Variants in LARGE1 observed in about 807,000 individuals in gnomAD.
LARGE1 encodes LARGE xylosyl- and glucuronyltransferase 1.
A neutral mutation model predicts 87.6 loss-of-function variants in LARGE1; 43 were observed. The observed-to-expected ratio is 0.49, with a 90% CI of 0.38 to 0.63. The LOEUF (loss-of-function observed/expected upper bound fraction) is 0.63, where lower values mean the gene tolerates loss of function less well. Among genes scored for constraint, LARGE1 ranks in the 30% least tolerant of loss-of-function variants. LARGE1 has a pLI of 0.00. For synonymous variants in LARGE1, 434 were observed against 394.6 expected (o/e 1.10, Z -1.18); for missense variants, 802 against 1,000.2 (o/e 0.80, Z 2.67).
chr22:33,176,458 GA>G (rs915156360), intron 11 of LARGE1, among the ~76,000 whole-genome samples: 8 of 151,542 alleles, frequency 5.3e-5, no homozygotes, highest in Non-Finnish European at 8.8e-5. Flanking sequence ...AAATTTACAA[GA>G]AAAAAAACCA....
intron 10 of LARGE1, among the ~76,000 whole-genome samples, chr22:33,330,089 G>C (rs1336183417): frequency 6.6e-6 from 1 of 152,100 alleles, no homozygotes; most frequent in East Asian, 1.9e-4. Context: ...GAATATTTCA[G>C]CCCAACATGA....
intron 4 of LARGE1, among the ~76,000 whole-genome samples, chr22:33,607,484 A>AAAAAAAT (rs55801689): frequency 4.7e-5 from 7 of 150,536 alleles, no homozygotes; most frequent in South Asian, 2.1e-4. Flanking sequence ...AAAAAAAAAA[A>AAAAAAAT]GTGTCTATCC....
At chr22:33,369,053 C>G (rs1272315344) in intron 9 of LARGE1, among the ~76,000 whole-genome samples, 2 of 152,096 alleles carry the variant, frequency 1.3e-5, no homozygotes, top group East Asian at 3.9e-4. Context: ...TGGATCGACT[C>G]TTCCTTTCAT....
chr22:33,714,386 C>G (rs1220392383), intron 2 of LARGE1, among the ~76,000 whole-genome samples: 1 of 152,154 alleles, frequency 6.6e-6, no homozygotes, highest in Admixed American at 6.5e-5. Context: ...GGAGACGTTC[C>G]TTACCCTCAC....
At position 33,396,552 on chromosome 22, in the gene LARGE1, T is replaced by G. The variant is rs569148324; in HGVS notation, c.893-12248A>C. Among the ~76,000 whole-genome samples, 10 of 150,044 alleles carry G rather than the reference T, an allele frequency of 6.7e-5. No individual in the cohort carries two copies. The South Asian group carries it at 1.5e-3, about 23-fold the overall frequency. ...AGTGGAAATCCTTCCATCTCAAACC[T>G]TCCCTAACTTGGCTGGGTTTTTCTC... On this transcript the variant is annotated intron_variant, in intron 7 of 14. Coordinates refer to ENST00000397394, the MANE Select transcript of LARGE1 (RefSeq NM_133642.5).
intron 6 of LARGE1, among the ~76,000 whole-genome samples, chr22:33,558,310 A>G (rs1237209237): frequency 6.6e-6 from 1 of 152,142 alleles, no homozygotes; most frequent in Non-Finnish European, 1.5e-5. Flanking sequence ...ACTGAGCTTC[A>G]TTTGGAGATA....
chr22:33,202,271 A>G (rs1924437534), intron 11 of LARGE1, among the ~76,000 whole-genome samples: 1 of 152,164 alleles, frequency 6.6e-6, no homozygotes, highest in Non-Finnish European at 1.5e-5. Flanking sequence ...ACAGGTGAAT[A>G]TGATCCACCG....
intron 6 of LARGE1, among the ~76,000 whole-genome samples, chr22:33,538,551 T>C (rs779982435): frequency 6.6e-6 from 1 of 152,220 alleles, no homozygotes; most frequent in Non-Finnish European, 1.5e-5. Context: ...AGCCACATTT[T>C]TTATTTTGTT....
chr22:33,670,755 G>C (rs2081383711), intron 2 of LARGE1, among the ~76,000 whole-genome samples: 1 of 152,174 alleles, frequency 6.6e-6, no homozygotes, highest in Non-Finnish European at 1.5e-5. Context: ...TCTAATTCCA[G>C]AGTTTGAAAA....
At chr22:33,314,072 T>C (rs560386550) in intron 11 of LARGE1, among the ~76,000 whole-genome samples, 7 of 152,282 alleles carry the variant, frequency 4.6e-5, no homozygotes, top group Non-Finnish European at 8.8e-5. Flanking sequence ...CGAGTGATCA[T>C]GTGGATGTGG....
intron 6 of LARGE1, among the ~76,000 whole-genome samples, chr22:33,502,611 C>A (rs907226705): frequency 2.6e-5 from 4 of 152,096 alleles, no homozygotes; most frequent in Admixed American, 6.5e-5. Context: ...CTCTGCCACC[C>A]AGGCTGGAGT....
intron 1 of LARGE1, among the ~76,000 whole-genome samples, chr22:33,800,715 A>T (rs1033989763): frequency 1.3e-5 from 2 of 152,164 alleles, no homozygotes; most frequent in East Asian, 1.9e-4. Flanking sequence ...CAGTTATTGC[A>T]CGCATCAAGT....
rs530268619 is a variant in LARGE1, at chr22:33,567,009, G to A, written c.616-1990C>T. ...TACACCCAGGCATCATGGAGGTGGG[G>A]AAAAAGGACAGAAGTTCAAATCTGG... On this transcript the variant is annotated intron_variant, in intron 5 of 14. Transcript: ENST00000397394. 2.0e-5 allele frequency among the ~76,000 whole-genome samples: 3 copies of A among 152,260 alleles called. No individual in the cohort carries two copies. The South Asian group carries it at 6.2e-4, about 32-fold the overall frequency.
At chr22:33,662,660 T>C (rs939982369) in intron 2 of LARGE1, among the ~76,000 whole-genome samples, 1 of 152,094 alleles carries the variant, frequency 6.6e-6, no homozygotes, top group Non-Finnish European at 1.5e-5. Flanking sequence ...ACTCTGTACT[T>C]GTTAAAGTTA....
At chr22:33,842,462 T>G (rs2063308420) in intron 1 of LARGE1, among the ~76,000 whole-genome samples, 1 of 152,210 alleles carries the variant, frequency 6.6e-6, no homozygotes, top group Admixed American at 6.5e-5. Context: ...ACAAAGTTAC[T>G]AATATTCATA....
At chr22:33,821,588 G>A (rs1007706774) in intron 1 of LARGE1, among the ~76,000 whole-genome samples, 1 of 152,178 alleles carries the variant, frequency 6.6e-6, no homozygotes, top group Non-Finnish European at 1.5e-5. Context: ...CGTAAAGAGC[G>A]TCTAAGAGCA....
intron 6 of LARGE1, among the ~76,000 whole-genome samples, chr22:33,470,695 A>G (rs1474509082): frequency 6.6e-6 from 1 of 152,134 alleles, no homozygotes; most frequent in Admixed American, 6.5e-5. Context: ...CTCTACACGG[A>G]CCTTGACCTC....
intron 14 of LARGE1, 101 bp downstream of exon 14, chr22:33,276,959 C>T (rs1336606455): frequency 8.7e-7 from 1 of 1,154,716 alleles, no homozygotes; most frequent in Non-Finnish European, 1.3e-6. Context: ...ATCTTGTTCC[C>T]TCTTAGCTCT....
intron 7 of LARGE1, among the ~76,000 whole-genome samples, chr22:33,416,058 C>A (rs892887032): frequency 6.6e-6 from 1 of 151,736 alleles, no homozygotes; most frequent in African/African-American, 2.4e-5. Context: ...CCATTCATGC[C>A]ATTTTTTCTG....
Sources: gnomAD v4.1 joint callset for allele counts (sites outside exome capture counted in the v4.1 genomes callset) on GRCh38, gnomAD v4.1.1 for gene constraint, MANE v1.5 for transcripts, NCBI Gene and HGNC (gene_info 2026-07-23, HGNC 2026-07-21) for gene names.